SLC5A8: variants seen among roughly 807,000 people sequenced by gnomAD.
SLC5A8 encodes solute carrier family 5 member 8.
In SLC5A8, 55 loss-of-function variants were observed where a neutral mutation model predicts 71.9. The ratio of observed to expected loss-of-function variants is 0.77; its 90% CI spans 0.62 to 0.96. SLC5A8 has a LOEUF of 0.96. SLC5A8 is among the 40% of genes least tolerant of loss of function. The probability of loss-of-function intolerance (pLI) is 0.00; values close to 1 mark genes in which losing one functional copy is unlikely to be tolerated. For synonymous variants in SLC5A8, 307 were observed against 276.1 expected (o/e 1.11, Z -1.11); for missense variants, 701 against 745.3 (o/e 0.94, Z 0.69).
chr12:101,178,209 T>C (rs570123894), intron 10 of SLC5A8, among the ~76,000 whole-genome samples: 1 of 152,214 alleles, frequency 6.6e-6, no homozygotes, highest in South Asian at 2.1e-4. Flanking sequence ...AAATTCAACA[T>C]GGTAAAGATG....
chr12:101,192,974 T>C (rs539282208), intron 5 of SLC5A8, among the ~76,000 whole-genome samples: 12 of 94,522 alleles, frequency 1.3e-4, no homozygotes, highest in Admixed American at 3.8e-4. Flanking sequence ...CTTTTCTCTT[T>C]TTTTTTTTTT....
At position 101,158,327 on chromosome 12, in the gene SLC5A8, T is replaced by G. The variant is rs749812180; in HGVS notation, c.1632A>C (p.Gly544=). 6.4e-7 allele frequency: 1 copy of G among 1,571,468 alleles called. No homozygotes were observed. Among genetic ancestry groups the G allele is most frequent in the Admixed American group, 1.8e-5 (1 of 55,356 alleles). ...TGGGGTCTAAGTTCTGTTTTCTTCC[T>G]CCTGGAAAAAAAAATGTACATGACT... ...LVGILVSLST[G]GRKQNLDPRY... Residue 544 remains glycine (G), a splice_region_variant and synonymous_variant, in exon 14 of 15, where the codon GGA becomes GGC. Transcript: ENST00000536262.
chr12:101,164,847 C>T (rs1463243033), intron 12 of SLC5A8, among the ~76,000 whole-genome samples: 1 of 152,184 alleles, frequency 6.6e-6, no homozygotes. Flanking sequence ...TTTTCTGTGA[C>T]AAGAATGACT....
At chr12:101,175,047 A>G (rs2051866573) in intron 10 of SLC5A8, among the ~76,000 whole-genome samples, 1 of 152,188 alleles carries the variant, frequency 6.6e-6, no homozygotes, top group African/African-American at 2.4e-5. Context: ...ATTCACTTGA[A>G]ACTAATGAAA....
intron 7 of SLC5A8, among the ~76,000 whole-genome samples, chr12:101,184,815 C>T (rs1203616776): frequency 1.3e-5 from 2 of 152,144 alleles, no homozygotes; most frequent in Non-Finnish European, 2.9e-5. Flanking sequence ...AAACTTGCTT[C>T]TGTTAAAAAA....
intron 5 of SLC5A8, among the ~76,000 whole-genome samples, chr12:101,191,539 C>T (rs1868910938): frequency 6.6e-6 from 1 of 152,140 alleles, no homozygotes; most frequent in Admixed American, 6.5e-5. Flanking sequence ...AGACTGTTGA[C>T]CCTTTCTCCC....
chr12:101,184,781 G>A (rs1593374284), intron 7 of SLC5A8, among the ~76,000 whole-genome samples: 1 of 152,144 alleles, frequency 6.6e-6, no homozygotes, highest in African/African-American at 2.4e-5. Flanking sequence ...ATGATGGGTG[G>A]AGAATGACTT....
At chr12:101,165,206 T>C (rs540601538) in intron 12 of SLC5A8, among the ~76,000 whole-genome samples, 5 of 152,258 alleles carry the variant, frequency 3.3e-5, no homozygotes, top group Middle Eastern at 3.4e-3. Flanking sequence ...GCTGAAATAT[T>C]TGATAAGTAA....
At chr12:101,200,082 C>A (rs1407097127) in intron 3 of SLC5A8, among the ~76,000 whole-genome samples, 1 of 99,386 alleles carries the variant, frequency 1.0e-5, no homozygotes, top group Non-Finnish European at 2.0e-5. Context: ...ATATATGTAG[C>A]AGCATGAATG....
At chr12:101,158,214 G>A (rs768845328) in intron 14 of SLC5A8, 35 bp downstream of exon 14, 2 of 1,432,682 alleles carry the variant, frequency 1.4e-6, no homozygotes, top group Admixed American at 1.8e-5. Flanking sequence ...ATAAAGCCCA[G>A]TTTCCTAACT....
At chr12:101,180,744 G>A (rs568636084) in intron 9 of SLC5A8, among the ~76,000 whole-genome samples, 13 of 150,112 alleles carry the variant, frequency 8.7e-5, no homozygotes, top group African/African-American at 3.3e-4. Flanking sequence ...CATAGAGACG[G>A]GGTGTCGCTA....
At chr12:101,173,093 G>C (rs1182337698) in intron 10 of SLC5A8, among the ~76,000 whole-genome samples, 1 of 152,186 alleles carries the variant, frequency 6.6e-6, no homozygotes, top group Non-Finnish European at 1.5e-5. Context: ...CGGACTGCAG[G>C]GACAGTTATG....
chr12:101,183,648 T>A (rs1180730210), intron 8 of SLC5A8, among the ~76,000 whole-genome samples: 1 of 152,168 alleles, frequency 6.6e-6, no homozygotes. Flanking sequence ...ACACACACTG[T>A]ACATGTTGAT....
chr12:101,188,781 T>A (rs1417627274), intron 6 of SLC5A8, among the ~76,000 whole-genome samples: 2 of 152,252 alleles, frequency 1.3e-5, no homozygotes, highest in East Asian at 3.8e-4. Context: ...CAGTATGTTT[T>A]GCTATTGCTA....
intron 3 of SLC5A8, among the ~76,000 whole-genome samples, chr12:101,198,452 T>C (rs927722696): frequency 1.1e-4 from 16 of 151,974 alleles, no homozygotes; most frequent in Admixed American, 2.0e-4. Context: ...TTAGAAGGGA[T>C]GTCACTATAG....
At chr12:101,204,955 A>G (rs1869615434) in intron 1 of SLC5A8, among the ~76,000 whole-genome samples, 1 of 152,034 alleles carries the variant, frequency 6.6e-6, no homozygotes, top group African/African-American at 2.4e-5. Context: ...TACTTTCTGT[A>G]TTTTTAGAGC....
chr12:101,210,126 A>T lies in SLC5A8; in HGVS notation c.-278T>A. On this transcript the variant is annotated 5_prime_UTR_variant, in exon 1 of 15. Coordinates refer to ENST00000536262, the MANE Select transcript of SLC5A8 (RefSeq NM_145913.5). ...GCCCTGAGTGCTCACCACGTGAGGA[A>T]CTGGAGTGGCCGAGTTCGCCAAGGC... The T allele has an allele frequency of 2.4e-6, 1 of 409,084 alleles. No homozygotes were observed. The highest frequency in any genetic ancestry group is 4.4e-5 in the Admixed American group (1 of 22,964). The allele number at this position is 409,084 out of a possible 1,614,324, so 25.3% of individuals were successfully genotyped here. A position where few individuals can be genotyped will look rare whatever the true frequency, so the allele number is the denominator to read the frequency against.
intron 12 of SLC5A8, among the ~76,000 whole-genome samples, chr12:101,163,569 C>G (rs1216514214): frequency 6.6e-6 from 1 of 152,150 alleles, no homozygotes. Context: ...ATCCCAGCTA[C>G]TTGGGAGGCT....
At chr12:101,172,173 T>A (rs1032491290) in intron 10 of SLC5A8, among the ~76,000 whole-genome samples, 1 of 151,946 alleles carries the variant, frequency 6.6e-6, no homozygotes, top group Non-Finnish European at 1.5e-5. Context: ...GGGCACCAAG[T>A]GTCTCTAGGA....
Sources: gnomAD v4.1 joint callset for allele counts (sites outside exome capture counted in the v4.1 genomes callset) on GRCh38, gnomAD v4.1.1 for gene constraint, MANE v1.5 for transcripts, NCBI Gene and HGNC (gene_info 2026-07-23, HGNC 2026-07-21) for gene names.